Variants in MEGF10 observed in about 807,000 individuals in gnomAD.
The protein encoded by MEGF10 is multiple epidermal growth factor-like domains protein 10.
MEGF10 carries 86 observed loss-of-function variants against 147.5 expected under a neutral mutation model. The ratio of observed to expected loss-of-function variants is 0.58; its 90% CI spans 0.49 to 0.70. The LOEUF (loss-of-function observed/expected upper bound fraction) is 0.70. MEGF10 is among the 30% of genes least tolerant of loss of function. The probability of loss-of-function intolerance (pLI) is 0.00; values close to 1 mark genes in which losing one functional copy is unlikely to be tolerated. For missense variants in MEGF10, 1,329 were observed against 1,487.3 expected (o/e 0.89, Z 1.75); for synonymous variants, 478 against 525.5 (o/e 0.91, Z 1.24).
chr5:127,363,214 T>A (rs1213877770), intron 4 of MEGF10, among the ~76,000 whole-genome samples: 1 of 152,226 alleles, frequency 6.6e-6, no homozygotes, highest in Non-Finnish European at 1.5e-5. Flanking sequence ...ATTTAGTAAC[T>A]GACTCACCTG....
the MEGF10 span, among the ~76,000 whole-genome samples, chr5:127,252,710 A>G: frequency 6.0e-3 from 918 of 152,000 alleles, 10 homozygotes; most frequent in African/African-American, 0.021. Context: ...AGTCTTTTCA[A>G]TTAGGTATAG....
chr5:127,357,689 T>G (rs1762328920), intron 4 of MEGF10, among the ~76,000 whole-genome samples: 1 of 151,750 alleles, frequency 6.6e-6, no homozygotes, highest in African/African-American at 2.4e-5. Flanking sequence ...TAAAATCCCT[T>G]TATTCTGTGT....
intron 1 of MEGF10, among the ~76,000 whole-genome samples, chr5:127,307,113 C>T (rs938783989): frequency 6.6e-6 from 1 of 152,166 alleles, no homozygotes; most frequent in Admixed American, 6.5e-5. Flanking sequence ...GAGCACGCTT[C>T]TCCCCTAGAG....
chr5:127,303,235 C>A (rs555614974), intron 1 of MEGF10, among the ~76,000 whole-genome samples: 6 of 150,762 alleles, frequency 4.0e-5, no homozygotes, highest in African/African-American at 1.5e-4. Context: ...ACTCGGGAGG[C>A]TGAGGCAGGA....
chr5:127,245,167 G>A, the MEGF10 span, among the ~76,000 whole-genome samples: 9 of 152,208 alleles, frequency 5.9e-5, no homozygotes, highest in African/African-American at 2.2e-4. Context: ...TAAGCAAAAA[G>A]GACAAAGCTG....
At chr5:127,396,506 T>G in intron 5 of MEGF10, 26 bp from the exon 6 acceptor site, 1 of 1,504,800 alleles carries the variant, frequency 6.6e-7, no homozygotes, top group Non-Finnish European at 8.9e-7. Flanking sequence ...CCCACTGATA[T>G]CCACTGTTTC....
At chr5:127,247,383 GAAGAAGAA>G in the MEGF10 span, among the ~76,000 whole-genome samples, 1 of 18,290 alleles carries the variant, frequency 5.5e-5, no homozygotes, top group Non-Finnish European at 1.1e-4. Flanking sequence ...AGAAGAAGAA[GAAGAAGAA>G]GAAGAAGAAG....
the MEGF10 span, among the ~76,000 whole-genome samples, chr5:127,253,214 T>C: frequency 2.0e-5 from 3 of 151,950 alleles, no homozygotes; most frequent in African/African-American, 7.2e-5. Context: ...TTAAAAAAAA[T>C]TTATTGAGCC....
chr5:127,294,835 T>TAATAATAATAATAATAAA lies in MEGF10; in HGVS notation c.-19+3781_-19+3782insTAATAATAATAATAAAAA, dbSNP rs56033520. On this transcript the variant is annotated intron_variant, in intron 1 of 24. Transcript: ENST00000503335. ...ATAATAATAATAATAATAATAATAATAAATAACTTGGAGTAGAAAAAGGAC... is the reference window on the plus strand; with the variant it reads ...ATAATAATAATAATAATAATAATAATAATAATAATAATAATAAAAAATAACTTGGAGTAGAAAAAGGAC... Among the ~76,000 whole-genome samples, 528 of 143,130 alleles carry TAATAATAATAATAATAAA rather than the reference T, an allele frequency of 3.7e-3. 3 individuals are homozygous for TAATAATAATAATAATAAA. The highest frequency in any genetic ancestry group is 0.011 in the Middle Eastern group (3 of 272). 93.9% of individuals were successfully genotyped at this position (143,130 alleles called of 152,430 possible).
At chr5:127,403,606 G>A (rs1216742582) in intron 8 of MEGF10, among the ~76,000 whole-genome samples, 3 of 151,926 alleles carry the variant, frequency 2.0e-5, no homozygotes, top group African/African-American at 7.3e-5. Flanking sequence ...ATCCTTCCCA[G>A]CCTCTGGTAA....
chr5:127,443,020 C>G lies in MEGF10; in HGVS notation c.2385C>G (p.Gly795=). ...CEQKCPSGTY[G]YGCRQICDCL... is the part of the protein sequence containing the mutation. ...TAGAGTGCCCTTCAGGAACATATGG[C>G]TATGGCTGTCGCCAGATATGTGATT... Residue 795 remains glycine, a synonymous_variant, in exon 19 of 25, where the codon GGC becomes GGG. Transcript: ENST00000503335. 6.2e-7 allele frequency: 1 copy of G among 1,613,406 alleles called. No individual in the cohort carries two copies. Among genetic ancestry groups the G allele is most frequent in the Non-Finnish European group, 8.5e-7 (1 of 1,179,532 alleles).
chr5:127,454,434 G>A (rs1766276073), intron 22 of MEGF10, 132 bp from the exon 23 acceptor site: 2 of 683,408 alleles, frequency 2.9e-6, no homozygotes, highest in South Asian at 4.2e-5. Flanking sequence ...CTGATCTGGT[G>A]TAAAGGCTTG....
the MEGF10 span, among the ~76,000 whole-genome samples, chr5:127,243,950 G>A: frequency 8.6e-5 from 13 of 151,776 alleles, no homozygotes; most frequent in African/African-American, 2.2e-4. Flanking sequence ...TAATCTCAGC[G>A]GTTTGGGAGG....
At chr5:127,280,298 C>G in the MEGF10 span, among the ~76,000 whole-genome samples, 1 of 152,160 alleles carries the variant, frequency 6.6e-6, no homozygotes, top group Non-Finnish European at 1.5e-5. Context: ...TGTGCCTTCT[C>G]TCTGTCAATA....
chr5:127,230,453 C>G, the MEGF10 span, among the ~76,000 whole-genome samples: 3 of 152,150 alleles, frequency 2.0e-5, no homozygotes, highest in African/African-American at 7.2e-5. Flanking sequence ...AGCGACCACC[C>G]CAGGGAGGGA....
chr5:127,307,085 AT>A (rs1443976539), intron 1 of MEGF10, among the ~76,000 whole-genome samples: 9 of 152,172 alleles, frequency 5.9e-5, no homozygotes, highest in African/African-American at 2.2e-4. Context: ...CAACAAAGAA[AT>A]CCTTCCGGAG....
chr5:127,268,523 C>T, the MEGF10 span, among the ~76,000 whole-genome samples: 10 of 152,152 alleles, frequency 6.6e-5, no homozygotes, highest in Middle Eastern at 3.4e-3. Context: ...AACTGCAAGG[C>T]GGCAGCGAGG....
Position 127,434,797 on chromosome 5 carries a change from T to C in MEGF10, c.1951T>C (p.Phe651Leu). ...ITGLCDCLPGFTGALCNEVCP... is the reference protein window; with the variant it reads ...ITGLCDCLPGLTGALCNEVCP... ...CGGCCTGTGTGACTGCTTGCCTGGC[T>C]TCACAGGCGCCCTCTGCAATGAAGG... The change falls in exon 15 of 25, where the codon TTC (phenylalanine) becomes CTC (leucine). Residue 651 changes from phenylalanine to leucine, a missense_variant. Physicochemically the swap from Phe to Leu is conservative, Grantham distance 22. This residue lies in a region of MEGF10 where 980 missense variants were observed against 1,085.9 expected (regional missense o/e 0.90). Transcript: ENST00000503335. 2 of 1,613,514 alleles carry C rather than the reference T, an allele frequency of 1.2e-6. No individual in the cohort carries two copies. Among genetic ancestry groups the C allele is most frequent in the Non-Finnish European group, 1.7e-6 (2 of 1,180,002 alleles).
chr5:127,435,415 A>G lies in MEGF10; in HGVS notation c.2030A>G (p.Asn677Ser). The change falls in exon 16 of 25, where the codon AAC becomes AGC. Residue 677 changes from asparagine to serine, a missense_variant. Coordinates refer to ENST00000503335, the MANE Select transcript of MEGF10 (RefSeq NM_001256545.2). ...TGTGCAGGAATTTGTACCTGCACCA[A>G]CAACGGAACCTGTAACCCCATTGAC... ...KNCAGICTCT[N>S]NGTCNPIDRS... The G allele has an allele frequency of 2.2e-5, 36 of 1,614,154 alleles. No individual in the cohort carries two copies. The highest frequency in any genetic ancestry group is 2.9e-5 in the Non-Finnish European group (34 of 1,180,016).
Sources: allele counts gnomAD v4.1 joint callset (sites outside exome capture counted in the v4.1 genomes callset), GRCh38; gene constraint gnomAD v4.1.1; regional missense constraint gnomAD v4.1.1; transcripts MANE v1.5; gene names NCBI Gene and HGNC (gene_info 2026-07-23, HGNC 2026-07-21).